RIC1: variants seen among roughly 807,000 people sequenced by gnomAD.
RIC1 encodes RIC1 partner of RAB6A GEF complex.
RIC1 carries 88 observed loss-of-function variants against 169.0 expected under a neutral mutation model. The ratio of observed to expected loss-of-function variants is 0.52; its 90% confidence interval spans 0.44 to 0.62. RIC1 has a LOEUF of 0.62. Among genes scored for constraint, RIC1 ranks in the 20% least tolerant of loss-of-function variants. The pLI is 0.00. For synonymous variants in RIC1, 790 were observed against 601.5 expected (o/e 1.31, Z -4.59); for missense variants, 1,877 against 1,725.5 (o/e 1.09, Z -1.56).
chr9:5,769,108 T>C lies in RIC1; in HGVS notation c.3276T>C (p.Ser1092=). The C allele has an allele frequency of 6.2e-7, 1 of 1,614,140 alleles. No homozygotes were observed. The highest frequency in any genetic ancestry group is 8.5e-7 in the Non-Finnish European group (1 of 1,179,986). The change falls in exon 22 of 26, where the codon AGT becomes AGC. Residue 1092 remains serine (S), a synonymous_variant. Transcript: ENST00000414202. The part of the protein sequence containing the change: ...FAAQLGFELI[S]WLCKERTRAA... ...CCCAGCTGGGCTTTGAACTAATTAGTTGGCTATGCAAGGAACGTACCCGAG... is the reference window on the plus strand; with the variant it reads ...CCCAGCTGGGCTTTGAACTAATTAGCTGGCTATGCAAGGAACGTACCCGAG...
intron 3 of RIC1, among the ~76,000 whole-genome samples, chr9:5,692,115 T>C (rs1277358391): frequency 6.6e-6 from 1 of 152,122 alleles, no homozygotes; most frequent in African/African-American, 2.4e-5. Context: ...TCTTTTACTA[T>C]ATTGAAAGTT....
intron 3 of RIC1, among the ~76,000 whole-genome samples, chr9:5,704,703 T>C (rs1023765465): frequency 9.9e-5 from 15 of 152,172 alleles, no homozygotes; most frequent in Non-Finnish European, 2.1e-4. Flanking sequence ...ATATATATTT[T>C]GTTCCTTACA....
intron 3 of RIC1, among the ~76,000 whole-genome samples, chr9:5,691,523 G>C (rs568896953): frequency 4.3e-4 from 65 of 151,948 alleles, no homozygotes; most frequent in African/African-American, 1.5e-3. Flanking sequence ...AAAATATTTA[G>C]TGCAAAAATT....
chr9:5,761,989 A>G (rs1826366215), intron 17 of RIC1, among the ~76,000 whole-genome samples: 1 of 152,226 alleles, frequency 6.6e-6, no homozygotes, highest in South Asian at 2.1e-4. Context: ...TTCAAGAACC[A>G]TAAGTAGTGG....
chr9:5,679,062 T>C (rs999692659), intron 2 of RIC1, among the ~76,000 whole-genome samples: 17 of 152,160 alleles, frequency 1.1e-4, no homozygotes, highest in African/African-American at 3.9e-4. Flanking sequence ...TTTCTACATA[T>C]GGCTAGCCAG....
At chr9:5,682,270 T>G (rs562149805) in intron 2 of RIC1, among the ~76,000 whole-genome samples, 2 of 152,234 alleles carry the variant, frequency 1.3e-5, no homozygotes, top group Non-Finnish European at 2.9e-5. Flanking sequence ...TCTTTACAAT[T>G]TGGCATGTTT....
intron 6 of RIC1, among the ~76,000 whole-genome samples, chr9:5,724,355 G>T (rs1823814332): frequency 6.6e-6 from 1 of 152,048 alleles, no homozygotes. Context: ...ATTTGGTTCT[G>T]TGTTTGTCTG....
intron 17 of RIC1, among the ~76,000 whole-genome samples, chr9:5,758,042 CTACTG>C: frequency 6.6e-6 from 1 of 152,222 alleles, no homozygotes; most frequent in Middle Eastern, 3.4e-3. Context: ...TAAGACAAAA[CTACTG>C]TAGGGAGAGC....
chr9:5,665,034 G>C (rs964649888), intron 2 of RIC1, among the ~76,000 whole-genome samples: 2 of 152,154 alleles, frequency 1.3e-5, no homozygotes, highest in African/African-American at 4.8e-5. Context: ...CACTATTATT[G>C]TGTGGGAGTT....
intron 10 of RIC1, among the ~76,000 whole-genome samples, chr9:5,744,067 G>A (rs1308027459): frequency 6.6e-6 from 1 of 151,992 alleles, no homozygotes; most frequent in Non-Finnish European, 1.5e-5. Context: ...AACTATTTTA[G>A]TCTCAGCAGA....
intron 6 of RIC1, among the ~76,000 whole-genome samples, chr9:5,729,554 C>G (rs1303874945): frequency 6.6e-6 from 1 of 152,072 alleles, no homozygotes; most frequent in Non-Finnish European, 1.5e-5. Flanking sequence ...GTCTTTGCTG[C>G]TTTATGTTTT....
intron 3 of RIC1, among the ~76,000 whole-genome samples, chr9:5,695,723 A>G (rs1821861520): frequency 6.6e-6 from 1 of 151,978 alleles, no homozygotes. Context: ...GGCATGCACC[A>G]CCACACCTAG....
At chr9:5,777,976 G>A (rs752465879), downstream of RIC1, among the ~76,000 whole-genome samples, 2 of 152,122 alleles carry the variant, frequency 1.3e-5, no homozygotes, top group Non-Finnish European at 2.9e-5. Flanking sequence ...GGATCAGCTT[G>A]TCAATTTCTA....
At chr9:5,746,291 A>G (rs1400560563) in intron 11 of RIC1, among the ~76,000 whole-genome samples, 1 of 152,098 alleles carries the variant, frequency 6.6e-6, no homozygotes, top group Non-Finnish European at 1.5e-5. Context: ...TTTTTTTAAA[A>G]GGGTCATAAG....
At chr9:5,729,589 C>G (rs1824233549) in intron 6 of RIC1, among the ~76,000 whole-genome samples, 1 of 152,058 alleles carries the variant, frequency 6.6e-6, no homozygotes, top group African/African-American at 2.4e-5. Flanking sequence ...CTTTTCTCTT[C>G]TAGAAGTTAC....
intron 13 of RIC1, 110 bp downstream of exon 13, chr9:5,753,348 C>G (rs943001293): frequency 4.0e-6 from 4 of 1,011,488 alleles, no homozygotes; most frequent in Non-Finnish European, 6.3e-6. Flanking sequence ...AACTCTTGAT[C>G]TATTGTAACA....
intron 3 of RIC1, among the ~76,000 whole-genome samples, chr9:5,692,493 C>G (rs1821643362): frequency 6.6e-6 from 1 of 151,908 alleles, no homozygotes; most frequent in Admixed American, 6.6e-5. Flanking sequence ...TATATATCTA[C>G]TTGATATTTT....
chr9:5,678,315 C>T (rs954170387), intron 2 of RIC1, among the ~76,000 whole-genome samples: 8 of 152,124 alleles, frequency 5.3e-5, no homozygotes, highest in South Asian at 2.1e-4. Context: ...CATACGTGTG[C>T]ATGTGTCTTT....
chr9:5,776,230 G>A lies in RIC1; in HGVS notation c.*1984G>A, dbSNP rs537417007. On this transcript the variant is annotated 3_prime_UTR_variant, in exon 26 of 26. Coordinates refer to ENST00000414202, the MANE Select transcript of RIC1 (RefSeq NM_020829.4). ...TCTTTTACAACTAATAGAGATAGGAGGCCCCCAGGCAAGAAGTTTGGCAGG... is the reference window on the plus strand; with the variant it reads ...TCTTTTACAACTAATAGAGATAGGAAGCCCCCAGGCAAGAAGTTTGGCAGG... 58 of 152,174 alleles carry A rather than the reference G, an allele frequency of 3.8e-4. No homozygotes were observed. Among genetic ancestry groups the A allele is most frequent in the African/African-American group, 1.4e-3 (57 of 41,546 alleles). 9.4% of individuals were successfully genotyped at this position (152,174 alleles called of 1,614,324 possible). A position where few individuals can be genotyped will look rare whatever the true frequency, so the allele number is the denominator to read the frequency against.
Sources: allele counts gnomAD v4.1 joint callset (sites outside exome capture counted in the v4.1 genomes callset), GRCh38; gene constraint gnomAD v4.1.1; transcripts MANE v1.5; gene names NCBI Gene and HGNC (gene_info 2026-07-23, HGNC 2026-07-21).